Variants in RCVRN observed in about 807,000 individuals in gnomAD.
RCVRN encodes the protein cancer associated retinopathy antigen.
In RCVRN, 23 loss-of-function variants were observed where a neutral mutation model predicts 20.4. The observed-to-expected ratio is 1.13, with a 90% confidence interval of 0.81 to 1.60. The LOEUF (loss-of-function observed/expected upper bound fraction) is 1.60. Ranked by LOEUF, RCVRN falls within the 40% of genes most tolerant of loss-of-function variation. The probability of loss-of-function intolerance (pLI) is 0.00; values close to 1 mark genes in which losing one functional copy is unlikely to be tolerated. For missense variants in RCVRN, 254 were observed against 254.2 expected, an observed-to-expected ratio of 1.00 and a Z score of 0.00; for synonymous variants, 105 against 105.9, an observed-to-expected ratio of 0.99 and a Z score of 0.05.
Position 9,900,992 on chromosome 17 carries a change from C to T in RCVRN, c.490G>A (p.Asp164Asn), listed in dbSNP as rs1190126645. 6.3e-7 allele frequency: 1 copy of T among 1,581,654 alleles called. No individual in the cohort carries two copies. Among genetic ancestry groups the T allele is most frequent in the Non-Finnish European group, 8.7e-7 (1 of 1,154,326 alleles). ...KIWKYFGKND[D>N]DKLTEKEFIE... ...CAATGAAGGAAAAGGAATTCACCAT[C>T]ATCATTCTTTCCAAAGTACTTCCAG... The change falls in exon 2 of 3, where the codon GAT becomes AAT. Residue 164 changes from aspartate to asparagine, a missense_variant. By Grantham distance (23) the Asp-to-Asn change is conservative. Transcript: ENST00000226193.
Position 9,898,135 on chromosome 17 carries a change from A to C in RCVRN, c.563T>G (p.Phe188Cys). ...CTTTTCCTTCACTTTTTGAGGCTCA[A>C]ACTGGATCAGTCGCAGAATTTCCTT... is the stretch of plus-strand genomic sequence containing the variant. ...ANKEILRLIQFEPQKVKEKMK... is the reference protein window; with the variant it reads ...ANKEILRLIQCEPQKVKEKMK... The change falls in exon 3 of 3, where the codon TTT (phenylalanine) becomes TGT (cysteine). Residue 188 changes from phenylalanine (F) to cysteine (C), a missense_variant. Coordinates refer to ENST00000226193, the MANE Select transcript of RCVRN (RefSeq NM_002903.3). The C allele has an allele frequency of 6.2e-7, 1 of 1,613,972 alleles. No homozygotes were observed. The highest frequency in any genetic ancestry group is 8.5e-7 in the Non-Finnish European group (1 of 1,179,908).
At position 9,898,172 on chromosome 17, in the gene RCVRN, TC is replaced by T. The variant is rs923097147; in HGVS notation, c.525del (p.Thr176HisfsTer10). 6.2e-7 allele frequency: 1 copy of T among 1,613,492 alleles called. No homozygotes were observed. Among genetic ancestry groups the T allele is most frequent in the Middle Eastern group, 1.7e-4 (1 of 6,060 alleles). On this transcript the variant is annotated frameshift_variant, in exon 3 of 3. Transcript: ENST00000226193. The part of the protein sequence containing the change: ...DKLTEKEFIE[G>X]TLANKEILRL... ...CGCAGAATTTCCTTATTGGCCAGTGTCCCCTCAATGAATTCTTTCTCTGTAA... is the reference window on the plus strand; with the variant it reads ...CGCAGAATTTCCTTATTGGCCAGTGTCCCTCAATGAATTCTTTCTCTGTAA...
Position 9,904,797 on chromosome 17 carries a change from G to T in RCVRN, c.381+3C>A. ...CAGCCAGAAGGGGAGAGGGGAGACT[G>T]ACCATGACGATCTCCAGCACTTCAT... On this transcript the variant is annotated splice_donor_region_variant and intron_variant, in intron 1 of 2. Coordinates refer to ENST00000226193, the MANE Select transcript of RCVRN (RefSeq NM_002903.3). This position sits in a 1 kb window ranked among gnomAD's most constrained non-coding sequence, Gnocchi z 5.8. 1 of 1,612,542 alleles carries T rather than the reference G, an allele frequency of 6.2e-7. No individual in the cohort carries two copies. Among genetic ancestry groups the T allele is most frequent in the South Asian group, 1.1e-5 (1 of 90,884 alleles).
At position 9,899,292 on chromosome 17, in the gene RCVRN, T is replaced by G. The variant is rs2067331769; in HGVS notation, c.494-1088A>C. 6.6e-6 allele frequency among the ~76,000 whole-genome samples: 1 copy of G among 151,942 alleles called. No individual in the cohort carries two copies. Among genetic ancestry groups the G allele is most frequent in the Non-Finnish European group, 1.5e-5 (1 of 68,002 alleles). ...GGATGGCTTCCTCCGCAAGTCTGGG[T>G]GGTAAAATTTGGGTTTTAACATCCC... is the stretch of plus-strand genomic sequence containing the variant. On this transcript the variant is annotated intron_variant, in intron 2 of 2. Transcript: ENST00000226193. The surrounding 1 kb of genome is among the most constrained non-coding windows in gnomAD (Gnocchi z 4.6).
chr17:9,903,847 A>T (rs1206176824), intron 1 of RCVRN, among the ~76,000 whole-genome samples: 1 of 152,190 alleles, frequency 6.6e-6, no homozygotes, highest in Admixed American at 6.5e-5. Flanking sequence ...GCAGCACGTG[A>T]CTGTCCTGAA....
chr17:9,903,183 G>T (rs2067348822), intron 1 of RCVRN, among the ~76,000 whole-genome samples: 1 of 152,202 alleles, frequency 6.6e-6, no homozygotes, highest in Admixed American at 6.5e-5. Flanking sequence ...CTGGATGTTG[G>T]AATTAGAGGC....
chr17:9,898,010 GTGTGTGCA>G lies in RCVRN; in HGVS notation c.*77_*84del. The G allele has an allele frequency of 1.2e-6, 1 of 833,400 alleles. No homozygotes were observed. Among genetic ancestry groups the G allele is most frequent in the Non-Finnish European group, 2.1e-6 (1 of 473,884 alleles). 51.6% of individuals were successfully genotyped at this position (833,400 alleles called of 1,614,324 possible). A position where few individuals can be genotyped will look rare whatever the true frequency, so the allele number is the denominator to read the frequency against. On this transcript the variant is annotated 3_prime_UTR_variant, in exon 3 of 3. Coordinates refer to ENST00000226193, the MANE Select transcript of RCVRN (RefSeq NM_002903.3). ...TGTGTGTGTGTGTGTGCGCGCGCGT[GTGTGTGCA>G]TGTGTGTGTGTGTGCACAGGCGCTC...
chr17:9,900,133 CTGT>C (rs1311889049), intron 2 of RCVRN, among the ~76,000 whole-genome samples: 1 of 152,194 alleles, frequency 6.6e-6, no homozygotes, highest in Admixed American at 6.5e-5. Context: ...GCACCCTCTG[CTGT>C]TTGCCAATCC....
intron 2 of RCVRN, among the ~76,000 whole-genome samples, chr17:9,900,241 T>G (rs568348160): frequency 6.6e-6 from 1 of 152,266 alleles, no homozygotes; most frequent in East Asian, 1.9e-4. Context: ...TACCAGCTCC[T>G]TTACCGCATC....
chr17:9,901,293 A>AT (rs1431516333), intron 1 of RCVRN, 193 bp from the exon 2 acceptor site: 7 of 414,668 alleles, frequency 1.7e-5, no homozygotes, highest in African/African-American at 1.2e-4. Flanking sequence ...CTTGACGATA[A>AT]TTTTTTGGAT....
At chr17:9,901,178 C>A (rs778718980) in intron 1 of RCVRN, 78 bp from the exon 2 acceptor site, 78 of 687,640 alleles carry the variant, frequency 1.1e-4, no homozygotes, top group Non-Finnish European at 1.9e-4. Flanking sequence ...ACATCTTACA[C>A]TGTACACAAA....
In RCVRN at chr17:9,897,725, G is replaced by A. The variant is rs954255061; in HGVS notation, c.*370C>T. The stretch of plus-strand genomic sequence containing the variant: ...CAGCCACGTGCCCAGCTCAGCTTGC[G>A]TTTATTGGAAACTGCTTACCCAGCA... On this transcript the variant is annotated 3_prime_UTR_variant, in exon 3 of 3. Coordinates refer to ENST00000226193, the MANE Select transcript of RCVRN (RefSeq NM_002903.3). 1.1e-4 allele frequency: 19 copies of A among 179,604 alleles called. No individual in the cohort carries two copies. Among genetic ancestry groups the A allele is most frequent in the South Asian group, 1.7e-4 (1 of 6,002 alleles). The allele number at this position is 179,604 out of a possible 1,614,324, so 11.1% of individuals were successfully genotyped here. A position where few individuals can be genotyped will look rare whatever the true frequency, so the allele number is the denominator to read the frequency against.
rs746570255 is a variant in RCVRN, at chr17:9,899,767, G to A, written c.493+1222C>T. Among the ~76,000 whole-genome samples, 8 of 152,116 alleles carry A rather than the reference G, an allele frequency of 5.3e-5. No homozygotes were observed. Among genetic ancestry groups the A allele is most frequent in the African/African-American group, 9.7e-5 (4 of 41,428 alleles). On this transcript the variant is annotated intron_variant, in intron 2 of 2. Transcript: ENST00000226193. This position sits in a 1 kb window ranked among gnomAD's most constrained non-coding sequence, Gnocchi z 4.6. ...GCATTGTTGACCCCTGAGAACGAGC[G>A]CCTCCTTAAATTCTGTGTCCTATGT...
In RCVRN at chr17:9,899,047, G is replaced by A. The variant is rs1038916088; in HGVS notation, c.494-843C>T. Among the ~76,000 whole-genome samples, 1 of 152,184 alleles carries A rather than the reference G, an allele frequency of 6.6e-6. No individual in the cohort carries two copies. Among genetic ancestry groups the A allele is most frequent in the African/African-American group, 2.4e-5 (1 of 41,452 alleles). On this transcript the variant is annotated intron_variant, in intron 2 of 2. Transcript: ENST00000226193. This position sits in a 1 kb window ranked among gnomAD's most constrained non-coding sequence, Gnocchi z 4.6. ...CGGAGGCGGGGTGTACAATAGAAGA[G>A]AGTGAGATGAAGTCCCTCCCTGGGA...
rs960377733 is a variant in RCVRN, at chr17:9,900,091, T to C, written c.493+898A>G. Among the ~76,000 whole-genome samples the C allele has an allele frequency of 2.0e-5, 3 of 152,138 alleles. No homozygotes were observed. The East Asian group carries it at 5.8e-4, about 29-fold the overall frequency. On this transcript the variant is annotated intron_variant, in intron 2 of 2. Coordinates refer to ENST00000226193, the MANE Select transcript of RCVRN (RefSeq NM_002903.3). ...CAACCACGGGTTCCATAGCCCCACATGGAATATGCTGGAAGCCATCAGACC... is the reference window on the plus strand; with the variant it reads ...CAACCACGGGTTCCATAGCCCCACACGGAATATGCTGGAAGCCATCAGACC...
rs1206090809 is a variant in RCVRN at position 9,904,859 on chromosome 17, G to C, written c.322C>G (p.Leu108Val). The C allele has an allele frequency of 3.1e-6, 5 of 1,614,232 alleles. No homozygotes were observed. The highest frequency in any genetic ancestry group is 3.4e-6 in the Non-Finnish European group (4 of 1,180,048). Residue 108 changes from leucine (L) to valine (V), a missense_variant, in exon 1 of 3, where the codon CTC (leucine) becomes GTC (valine). Leu to Val is a conservative substitution (Grantham distance 32). Transcript: ENST00000226193. The surrounding 1 kb of genome is among the most constrained non-coding windows in gnomAD (Gnocchi z 5.8). ...TNQKLEWAFSLYDVDGNGTIS... is the reference protein window; with the variant it reads ...TNQKLEWAFSVYDVDGNGTIS... ...GTCCCGTTACCGTCCACGTCGTAGA[G>C]GGAGAAGGCCCACTCCAGCTTCTGG...
rs1016203576 is a variant in RCVRN at position 9,899,377 on chromosome 17, G to T, written c.494-1173C>A. 6.6e-6 allele frequency among the ~76,000 whole-genome samples: 1 copy of T among 152,136 alleles called. No homozygotes were observed. The highest frequency in any genetic ancestry group is 1.5e-5 in the Non-Finnish European group (1 of 68,032). ...ACTCCCACCATCAAAGCCTGACTCT[G>T]CCCTGAGGCATTGTCTCCAGATGGG... is the stretch of plus-strand genomic sequence containing the variant. On this transcript the variant is annotated intron_variant, in intron 2 of 2. Transcript: ENST00000226193. This position sits in a 1 kb window ranked among gnomAD's most constrained non-coding sequence, Gnocchi z 4.6.
At chr17:9,898,260 G>A in intron 2 of RCVRN, 56 bp from the exon 3 acceptor site, 1 of 1,083,056 alleles carries the variant, frequency 9.2e-7, no homozygotes, top group Non-Finnish European at 1.4e-6. Flanking sequence ...TGATAGCCAA[G>A]TGAGCTGCGA....
rs570349870 is a variant in RCVRN, at chr17:9,898,016, G to C, written c.*79C>G. On this transcript the variant is annotated 3_prime_UTR_variant, in exon 3 of 3. Coordinates refer to ENST00000226193, the MANE Select transcript of RCVRN (RefSeq NM_002903.3). ...TGTGTGTGTGCGCGCGCGTGTGTGT[G>C]CATGTGTGTGTGTGTGCACAGGCGC... The C allele has an allele frequency of 1.1e-6, 1 of 875,632 alleles. No individual in the cohort carries two copies. Among genetic ancestry groups the C allele is most frequent in the Non-Finnish European group, 2.0e-6 (1 of 509,466 alleles). The allele number at this position is 875,632 out of a possible 1,614,324, so 54.2% of individuals were successfully genotyped here. A position where few individuals can be genotyped will look rare whatever the true frequency, so the allele number is the denominator to read the frequency against.
Sources: gnomAD v4.1 joint callset for allele counts (sites outside exome capture counted in the v4.1 genomes callset) on GRCh38, gnomAD v4.1.1 for gene constraint, Gnocchi (gnomAD v3.1) non-coding constraint, MANE v1.5 for transcripts, NCBI Gene and HGNC (gene_info 2026-07-23, HGNC 2026-07-21) for gene names.